Variants in DAB1 observed in about 807,000 individuals in gnomAD.
DAB1 encodes the protein disabled homolog 1.
In DAB1, 15 loss-of-function variants were observed where a neutral mutation model predicts 64.6. That is an observed-to-expected ratio of 0.23 (90% CI 0.16 to 0.36). The LOEUF (loss-of-function observed/expected upper bound fraction) is 0.36. Among genes scored for constraint, DAB1 ranks in the 10% least tolerant of loss-of-function variants. The probability of loss-of-function intolerance (pLI) is 1.00; values close to 1 mark genes in which losing one functional copy is unlikely to be tolerated. For synonymous variants in DAB1, 235 were observed against 251.9 expected, an observed-to-expected ratio of 0.93 and a Z score of 0.64; for missense variants, 596 against 706.7, an observed-to-expected ratio of 0.84 and a Z score of 1.78.
At chr1:58,197,282 G>C (rs1465607133) in intron 4 of DAB1, among the ~76,000 whole-genome samples, 1 of 152,172 alleles carries the variant, frequency 6.6e-6, no homozygotes, top group Non-Finnish European at 1.5e-5. Flanking sequence ...AAATAGAATA[G>C]AAGATGGATA....
At chr1:58,362,823 C>G (rs1411090932) in intron 3 of DAB1, among the ~76,000 whole-genome samples, 3 of 152,216 alleles carry the variant, frequency 2.0e-5, no homozygotes, top group African/African-American at 4.8e-5. Flanking sequence ...GCCCAAATCA[C>G]TCTGTGGGAA....
At chr1:58,111,165 A>G (rs1651945358) in intron 5 of DAB1, among the ~76,000 whole-genome samples, 1 of 152,214 alleles carries the variant, frequency 6.6e-6, no homozygotes, top group African/African-American at 2.4e-5. Flanking sequence ...CGTAGGAGAA[A>G]CAGTGTGTCT....
chr1:57,021,678 C>T (rs907113805), intron 11 of DAB1, among the ~76,000 whole-genome samples: 6 of 152,204 alleles, frequency 3.9e-5, no homozygotes, highest in African/African-American at 1.2e-4. Flanking sequence ...TCTTTATCAG[C>T]AGCGTGAGAA....
chr1:58,311,745 T>C (rs944642357), intron 4 of DAB1, among the ~76,000 whole-genome samples: 8 of 152,144 alleles, frequency 5.3e-5, no homozygotes, highest in African/African-American at 1.9e-4. Flanking sequence ...TGACTCCTGC[T>C]CCCTGGCCCC....
downstream of DAB1, among the ~76,000 whole-genome samples, chr1:57,823,368 G>A (rs1024700514): frequency 6.6e-6 from 1 of 152,100 alleles, no homozygotes; most frequent in Non-Finnish European, 1.5e-5. Flanking sequence ...TGGAAGAAAA[G>A]GTTGTGACTG....
intron 2 of DAB1, among the ~76,000 whole-genome samples, chr1:57,288,472 C>T (rs541052426): frequency 1.3e-5 from 2 of 152,188 alleles, no homozygotes; most frequent in South Asian, 4.2e-4. Context: ...GAGTGTGGGG[C>T]TCTTGTGATG....
chr1:57,816,550 G>A (rs189402808), intron 6 of DAB1, among the ~76,000 whole-genome samples: 57 of 152,242 alleles, frequency 3.7e-4, no homozygotes, highest in Non-Finnish European at 7.4e-4. Flanking sequence ...TACTGCATTC[G>A]TCTGCTCTGA....
chr1:56,995,065 G>T lies in DAB1; in HGVS notation c.*3079C>A, dbSNP rs61767016. 6.6e-5 allele frequency: 10 copies of T among 152,112 alleles called. No homozygotes were observed. Among genetic ancestry groups the T allele is most frequent in the Non-Finnish European group, 1.2e-4 (8 of 68,034 alleles). 9.4% of individuals were successfully genotyped at this position (152,112 alleles called of 1,614,324 possible). On this transcript the variant is annotated 3_prime_UTR_variant, in exon 15 of 15. Coordinates refer to ENST00000371236, the MANE Select transcript of DAB1 (RefSeq NM_001365792.1). ...AGAGTAAACATTTGTTTAAAAGAAG[G>T]TGCCCAGTACATTACATGATGGGGT...
At chr1:57,838,934 G>T (rs1313870620) in intron 1 of DAB1, among the ~76,000 whole-genome samples, 1 of 151,884 alleles carries the variant, frequency 6.6e-6, no homozygotes, top group Non-Finnish European at 1.5e-5. Context: ...ATGCTAACAT[G>T]CTCAGCTAAT....
intron 2 of DAB1, among the ~76,000 whole-genome samples, chr1:57,201,504 C>G (rs1211860622): frequency 6.6e-6 from 1 of 151,960 alleles, no homozygotes; most frequent in Non-Finnish European, 1.5e-5. Context: ...ATATCACTTC[C>G]CTGGGGAAGT....
At chr1:57,732,333 C>T (rs1018146135) in intron 6 of DAB1, among the ~76,000 whole-genome samples, 1 of 152,170 alleles carries the variant, frequency 6.6e-6, no homozygotes, top group Non-Finnish European at 1.5e-5. Context: ...AAGGCAAACT[C>T]CACTACTGTC....
chr1:58,239,672 A>G (rs1197307838), intron 4 of DAB1, among the ~76,000 whole-genome samples: 1 of 152,180 alleles, frequency 6.6e-6, no homozygotes. Context: ...GCTCGCTTAT[A>G]TTATTTGCAG....
chr1:57,407,142 G>T (rs75191235), intron 1 of DAB1, among the ~76,000 whole-genome samples: 4,656 of 152,322 alleles, frequency 0.031, 227 homozygotes, highest in African/African-American at 0.11. Flanking sequence ...AAGACATAAA[G>T]TTGCTTTCTG....
At chr1:57,861,377 G>T (rs1654020334) in intron 1 of DAB1, among the ~76,000 whole-genome samples, 1 of 152,178 alleles carries the variant, frequency 6.6e-6, no homozygotes, top group African/African-American at 2.4e-5. Context: ...CCCTCTTCTG[G>T]GTTACAGATT....
chr1:57,374,966 A>G (rs941032828), intron 1 of DAB1, among the ~76,000 whole-genome samples: 1 of 152,094 alleles, frequency 6.6e-6, no homozygotes, highest in African/African-American at 2.4e-5. Flanking sequence ...TCCTGCTATG[A>G]CCTGCCATTC....
At chr1:57,122,938 G>T (rs557913087) in intron 4 of DAB1, among the ~76,000 whole-genome samples, 7 of 152,040 alleles carry the variant, frequency 4.6e-5, no homozygotes, top group Non-Finnish European at 5.9e-5. Context: ...TCCAAAGAGC[G>T]CCTGAGTCAT....
chr1:57,038,723 T>A (rs749427578), intron 9 of DAB1, among the ~76,000 whole-genome samples: 2 of 152,204 alleles, frequency 1.3e-5, no homozygotes, highest in Non-Finnish European at 2.9e-5. Context: ...TGCTCACACG[T>A]GTAATATATC....
At chr1:58,025,651 G>GTGTATATATATATATATATATA (rs1264790564) in intron 5 of DAB1, among the ~76,000 whole-genome samples, 2 of 75,292 alleles carry the variant, frequency 2.7e-5, no homozygotes, top group African/African-American at 4.0e-5. Context: ...ATATATGTGT[G>GTGTATATATATATATATATATA]TATATATATA....
chr1:57,237,360 T>A (rs930252997), intron 2 of DAB1, among the ~76,000 whole-genome samples: 7 of 150,540 alleles, frequency 4.6e-5, no homozygotes, highest in African/African-American at 1.8e-4. Flanking sequence ...CTTCCTAGAC[T>A]TTTTTAATAG....
Sources: allele counts gnomAD v4.1 joint callset (sites outside exome capture counted in the v4.1 genomes callset), GRCh38; gene constraint gnomAD v4.1.1; transcripts MANE v1.5; gene names NCBI Gene and HGNC (gene_info 2026-07-23, HGNC 2026-07-21).